Variants in MUCL1 observed in about 807,000 individuals in gnomAD.
The protein encoded by MUCL1 is mucin-like protein 1.
Under a neutral mutation model 9.2 loss-of-function variants are expected in MUCL1, and 11 were observed. The observed-to-expected ratio is 1.19, with a 90% CI of 0.75 to 1.97. MUCL1 has a LOEUF of 1.97. Ranked by LOEUF, MUCL1 falls within the 30% of genes most tolerant of loss-of-function variation. The pLI is 0.00. For missense variants in MUCL1, 144 were observed against 110.9 expected (o/e 1.30, Z -1.34); for synonymous variants, 48 against 40.5 (o/e 1.19, Z -0.71).
upstream of MUCL1, among the ~76,000 whole-genome samples, chr12:54,838,157 C>T (rs1240985430): frequency 2.0e-5 from 3 of 152,194 alleles, no homozygotes; most frequent in Non-Finnish European, 4.4e-5. Flanking sequence ...ATTTGCTTGT[C>T]TGAAAAAGAC....
upstream of MUCL1, among the ~76,000 whole-genome samples, chr12:54,837,681 A>G (rs1959195383): frequency 6.6e-6 from 1 of 152,176 alleles, no homozygotes; most frequent in African/African-American, 2.4e-5. Flanking sequence ...AGGCAGGAGA[A>G]TGGCGTGAAC....
chr12:54,835,094 T>C (rs1303516893), upstream of MUCL1, among the ~76,000 whole-genome samples: 2 of 152,198 alleles, frequency 1.3e-5, no homozygotes, highest in Admixed American at 6.5e-5. Flanking sequence ...TTTCATTCTC[T>C]TTTATGGCTG....
chr12:54,848,149 G>T (rs886220864), intron 1 of MUCL1, among the ~76,000 whole-genome samples: 1 of 151,628 alleles, frequency 6.6e-6, no homozygotes, highest in Non-Finnish European at 1.5e-5. Context: ...AGCTGCTGCA[G>T]GTTCTTCCAA....
At chr12:54,854,382 C>G (rs181943143), upstream of MUCL1, 1 of 550,062 alleles carries the variant, frequency 1.8e-6, no homozygotes, top group African/African-American at 1.9e-5. Flanking sequence ...TCCAAAGGGC[C>G]CCTGGCTGTG....
At chr12:54,839,248 G>A (rs1414080009), upstream of MUCL1, 1 of 641,104 alleles carries the variant, frequency 1.6e-6, no homozygotes, top group Non-Finnish European at 2.8e-6. Flanking sequence ...GCTACTGGTT[G>A]TAGTACAATA....
chr12:54,844,195 C>G (rs776545800), intron 1 of MUCL1, among the ~76,000 whole-genome samples: 3 of 152,056 alleles, frequency 2.0e-5, no homozygotes, highest in Non-Finnish European at 2.9e-5. Flanking sequence ...ATGTTTTTTC[C>G]TTTTCAAATT....
At chr12:54,836,874 A>G (rs1565774258), upstream of MUCL1, among the ~76,000 whole-genome samples, 1 of 152,166 alleles carries the variant, frequency 6.6e-6, no homozygotes, top group Non-Finnish European at 1.5e-5. Flanking sequence ...TTTAATTTCC[A>G]TGTATTTGTA....
intron 2 of MUCL1, among the ~76,000 whole-genome samples, chr12:54,856,034 C>T (rs1224196391): frequency 6.6e-6 from 1 of 152,196 alleles, no homozygotes; most frequent in Non-Finnish European, 1.5e-5. Context: ...ATCAATAGCT[C>T]TTGTGTAAGG....
chr12:54,854,620 C>A lies in MUCL1; in HGVS notation c.38C>A (p.Ser13Tyr), dbSNP rs768487554. 4 of 1,613,330 alleles carry A rather than the reference C, an allele frequency of 2.5e-6. No homozygotes were observed. Among genetic ancestry groups the A allele is most frequent in the Non-Finnish European group, 3.4e-6 (4 of 1,179,612 alleles). Residue 13 changes from serine to tyrosine, a missense_variant, in exon 1 of 4, where the codon TCC becomes TAC. Transcript: ENST00000308796. ...FLAVLVLLGV[S>Y]IFLVSAQNPT... The stretch of plus-strand genomic sequence containing the variant: ...GCAGTCCTGGTACTCTTGGGAGTTT[C>A]CATCTTTCTGGTCTCTGCCCGTAAG...
chr12:54,856,866 C>A lies in MUCL1; in HGVS notation c.197C>A (p.Ser66Tyr), dbSNP rs1376185132. ...AAPTTATTAA[S>Y]TTARKDIPVL... ...CCTACCACTGCAACCACCGCTGCTT[C>A]TACCACTGCTCGTAAAGACATTCCA... The change falls in exon 3 of 4, where the codon TCT (serine) becomes TAT (tyrosine). Residue 66 changes from serine (S) to tyrosine (Y), a missense_variant. Physicochemically the swap from Ser to Tyr is moderately radical, Grantham distance 144. Transcript: ENST00000308796. The A allele has an allele frequency of 1.9e-6, 3 of 1,613,826 alleles. No individual in the cohort carries two copies. The highest frequency in any genetic ancestry group is 2.5e-6 in the Non-Finnish European group (3 of 1,179,854).
intron 1 of MUCL1, among the ~76,000 whole-genome samples, chr12:54,840,010 T>G (rs1959201960): frequency 6.6e-6 from 1 of 152,142 alleles, no homozygotes; most frequent in African/African-American, 2.4e-5. Context: ...CCACCTGGTA[T>G]TCCCTTGATG....
At chr12:54,836,408 C>G (rs1396147721), upstream of MUCL1, among the ~76,000 whole-genome samples, 1 of 152,044 alleles carries the variant, frequency 6.6e-6, no homozygotes, top group Non-Finnish European at 1.5e-5. Context: ...CTTGAATTAT[C>G]TTTTGTATTT....
chr12:54,842,442 G>A (rs1382514199), intron 1 of MUCL1, among the ~76,000 whole-genome samples: 2 of 151,940 alleles, frequency 1.3e-5, no homozygotes, highest in East Asian at 3.8e-4. Context: ...ATTTATACTG[G>A]GGGATTGCTA....
At chr12:54,837,924 A>G (rs1334872119), upstream of MUCL1, among the ~76,000 whole-genome samples, 1 of 152,262 alleles carries the variant, frequency 6.6e-6, no homozygotes, top group Admixed American at 6.5e-5. Context: ...AGTTACATTC[A>G]TATACATATT....
At chr12:54,837,877 G>GT (rs1184899841), upstream of MUCL1, among the ~76,000 whole-genome samples, 2 of 152,230 alleles carry the variant, frequency 1.3e-5, no homozygotes, top group Admixed American at 6.5e-5. Flanking sequence ...CTGCCAATTT[G>GT]TATCTTTTAA....
upstream of MUCL1, among the ~76,000 whole-genome samples, chr12:54,835,736 T>G (rs551497233): frequency 6.6e-6 from 1 of 152,230 alleles, no homozygotes; most frequent in East Asian, 1.9e-4. Context: ...CTTTTATTAT[T>G]TTGAAGTATG....
At position 54,844,890 on chromosome 12, in the gene MUCL1, A is replaced by G. The variant is rs541832351; in HGVS notation, c.43+5443A>G. Among the ~76,000 whole-genome samples, 290 of 152,358 alleles carry G rather than the reference A, an allele frequency of 1.9e-3. 2 individuals are homozygous for G. Among genetic ancestry groups the G allele is most frequent in the African/African-American group, 6.5e-3 (271 of 41,586 alleles). On this transcript the variant is annotated intron_variant, in intron 1 of 3. Transcript: ENST00000546809. ...CAGAAAAAAACCACTGCAAAATATC[A>G]TGACACTACACAAAAACTATTTTAA...
At chr12:54,835,228 T>C (rs1053770818), upstream of MUCL1, among the ~76,000 whole-genome samples, 2 of 152,200 alleles carry the variant, frequency 1.3e-5, no homozygotes, top group Admixed American at 1.3e-4. Context: ...TACACGTATG[T>C]GTCTTTTTGA....
intron 1 of MUCL1, among the ~76,000 whole-genome samples, chr12:54,847,413 C>G (rs1226765685): frequency 6.6e-6 from 1 of 152,096 alleles, no homozygotes; most frequent in Non-Finnish European, 1.5e-5. Context: ...GTCAGGAGTT[C>G]AAGACCAGCC....
Sources: allele counts gnomAD v4.1 joint callset (sites outside exome capture counted in the v4.1 genomes callset), GRCh38; gene constraint gnomAD v4.1.1; transcripts MANE v1.5; gene names NCBI Gene and HGNC (gene_info 2026-07-23, HGNC 2026-07-21).